GSTZ1: variants seen among roughly 807,000 people sequenced by gnomAD.
GSTZ1 encodes maleylacetoacetate isomerase.
GSTZ1 carries 34 observed loss-of-function variants against 35.9 expected under a neutral mutation model. That is an observed-to-expected ratio of 0.95 (90% CI 0.72 to 1.26). The LOEUF (loss-of-function observed/expected upper bound fraction) is 1.26, where lower values mean the gene tolerates loss of function less well. Ranked by LOEUF, GSTZ1 falls within the 50% of genes most tolerant of loss-of-function variation. GSTZ1 has a pLI of 0.00. For synonymous variants in GSTZ1, 93 were observed against 101.2 expected, an observed-to-expected ratio of 0.92 and a Z score of 0.49; for missense variants, 263 against 271.7, an observed-to-expected ratio of 0.97 and a Z score of 0.23.
At chr14:77,322,652 C>G (rs1450704510) in intron 1 of GSTZ1, 10 of 985,130 alleles carry the variant, frequency 1.0e-5, no homozygotes, top group Non-Finnish European at 7.2e-6. Flanking sequence ...TTGTGGCCAC[C>G]CAATTCCTCC....
Position 77,331,422 on chromosome 14 carries a change from A to C in GSTZ1, c.*227A>C. ...AGGGTGGGCAGGAATACTGTTATCT[A>C]TGTGACGGGGCAGTCGTGAGGCTGA... is the stretch of plus-strand genomic sequence containing the variant. On this transcript the variant is annotated 3_prime_UTR_variant, in exon 9 of 9. Coordinates refer to ENST00000216465, the MANE Select transcript of GSTZ1 (RefSeq NM_145870.3). The C allele has an allele frequency of 2.0e-6, 1 of 500,118 alleles. No homozygotes were observed. The highest frequency in any genetic ancestry group is 3.6e-6 in the Non-Finnish European group (1 of 280,624). 31.0% of individuals were successfully genotyped at this position (500,118 alleles called of 1,614,324 possible).
At chr14:77,321,308 C>T (rs1295960733) in intron 1 of GSTZ1, 125 bp downstream of exon 1, 4 of 1,525,366 alleles carry the variant, frequency 2.6e-6, no homozygotes, top group African/African-American at 1.4e-5. Context: ...CAGTGCTTTG[C>T]GCCGGGCACG....
chr14:77,328,115 G>T, intron 5 of GSTZ1, 78 bp downstream of exon 5: 5 of 1,474,130 alleles, frequency 3.4e-6, no homozygotes, highest in Non-Finnish European at 3.8e-6. Context: ...GCTGCCCAGT[G>T]TGGGGGCGGG....
At position 77,324,844 on chromosome 14, in the gene GSTZ1, C is replaced by T. The variant is rs118156506; in HGVS notation, c.16-26C>T. ...GGAGCCCACCCAGCATGGGTTAACACGCGCCTTCATCCTCTCTCTCCTCAG... is the reference window on the plus strand; with the variant it reads ...GGAGCCCACCCAGCATGGGTTAACATGCGCCTTCATCCTCTCTCTCCTCAG... On this transcript the variant is annotated intron_variant, in intron 1 of 8. Coordinates refer to ENST00000216465, the MANE Select transcript of GSTZ1 (RefSeq NM_145870.3). 1,196 of 1,612,070 alleles carry T rather than the reference C, an allele frequency of 7.4e-4. 20 individuals carry two copies. The East Asian group carries it at 0.019, about 26-fold the overall frequency.
chr14:77,321,660 G>T (rs1038277032), intron 1 of GSTZ1: 1 of 443,410 alleles, frequency 2.3e-6, no homozygotes, highest in Admixed American at 4.9e-5. Flanking sequence ...GAGGCGGGCG[G>T]ATCACAAGGT....
In GSTZ1 at chr14:77,331,337, C is replaced by A; in HGVS notation, c.*142C>A. On this transcript the variant is annotated 3_prime_UTR_variant, in exon 9 of 9. Transcript: ENST00000216465. The stretch of plus-strand genomic sequence containing the variant: ...ATCTGCCTTCCTGCTGAAACTTGTT[C>A]CACCTCAGTCCCCTCATCTGTCACA... 1.1e-6 allele frequency: 1 copy of A among 925,354 alleles called. No homozygotes were observed. Among genetic ancestry groups the A allele is most frequent in the Non-Finnish European group, 1.6e-6 (1 of 634,862 alleles). The allele number at this position is 925,354 out of a possible 1,614,324, so 57.3% of individuals were successfully genotyped here.
intron 1 of GSTZ1, 155 bp from the exon 2 acceptor site, chr14:77,324,715 A>G (rs949609181): frequency 1.9e-4 from 226 of 1,162,930 alleles, no homozygotes; most frequent in Non-Finnish European, 1.5e-5. Flanking sequence ...AAGGGACCTC[A>G]TGAGCCTCTC....
chr14:77,321,445 T>C, intron 1 of GSTZ1: 1 of 1,520,476 alleles, frequency 6.6e-7, no homozygotes, highest in Non-Finnish European at 8.8e-7. Context: ...GCTTCACTTC[T>C]GCTCCGCCCT....
At position 77,330,292 on chromosome 14, in the gene GSTZ1, C is replaced by T; in HGVS notation, c.475-18C>T. On this transcript the variant is annotated intron_variant, in intron 7 of 8. Transcript: ENST00000216465. Reference sequence around the variant, plus strand: ...TGGGGTATGCACCCTGATGGGAACCCACCGGGACCTCTTTCAGGTGACCAT... The same window carrying T: ...TGGGGTATGCACCCTGATGGGAACCTACCGGGACCTCTTTCAGGTGACCAT... 1 of 1,606,262 alleles carries T rather than the reference C, an allele frequency of 6.2e-7. No individual in the cohort carries two copies. The highest frequency in any genetic ancestry group is 8.5e-7 in the Non-Finnish European group (1 of 1,172,900).
Position 77,329,097 on chromosome 14 carries a change from T to A in GSTZ1, c.343-26T>A, listed in dbSNP as rs776120437. The A allele has an allele frequency of 1.9e-6, 3 of 1,550,436 alleles. No homozygotes were observed. The African/African-American group carries it at 4.1e-5, about 21-fold the overall frequency. On this transcript the variant is annotated intron_variant, in intron 5 of 8. Coordinates refer to ENST00000216465, the MANE Select transcript of GSTZ1 (RefSeq NM_145870.3). Reference sequence around the variant, plus strand: ...AGCCCCCACCCAGCTGTCAGCGCAATCACAGATTTTCTTTGGGCTGCACAG... The same window carrying A: ...AGCCCCCACCCAGCTGTCAGCGCAAACACAGATTTTCTTTGGGCTGCACAG...
intron 7 of GSTZ1, 57 bp downstream of exon 7, chr14:77,329,864 G>T: frequency 7.7e-7 from 1 of 1,306,006 alleles, no homozygotes; most frequent in South Asian, 1.2e-5. Flanking sequence ...CCCTCATGCT[G>T]ACCTCCCTCA....
At chr14:77,327,663 G>A (rs1892396376) in intron 4 of GSTZ1, 111 bp downstream of exon 4, 2 of 814,126 alleles carry the variant, frequency 2.5e-6, no homozygotes, top group Admixed American at 2.1e-5. Flanking sequence ...CATAGGAGAG[G>A]CTCAATACAA....
Position 77,327,328 on chromosome 14 carries a change from G to A in GSTZ1, c.136-144G>A, listed in dbSNP as rs1299968795. 3 of 655,874 alleles carry A rather than the reference G, an allele frequency of 4.6e-6. No individual in the cohort carries two copies. The Admixed American group carries it at 7.2e-5, about 16-fold the overall frequency. 40.6% of individuals were successfully genotyped at this position (655,874 alleles called of 1,614,324 possible). A position where few individuals can be genotyped will look rare whatever the true frequency, so the allele number is the denominator to read the frequency against. On this transcript the variant is annotated intron_variant, in intron 3 of 8. Transcript: ENST00000216465. Reference sequence around the variant, plus strand: ...TGGGAGACTGCATGGATCCCCCAGGGATTACCCTGGGCCTAGGATTTAGGG... The same window carrying A: ...TGGGAGACTGCATGGATCCCCCAGGAATTACCCTGGGCCTAGGATTTAGGG...
At position 77,326,933 on chromosome 14, in the gene GSTZ1, G is replaced by A. The variant is rs1254004613; in HGVS notation, c.135+28G>A. 4.6e-6 allele frequency: 7 copies of A among 1,522,284 alleles called. No individual in the cohort carries two copies. The African/African-American group carries it at 6.8e-5, about 15-fold the overall frequency. 94.3% of individuals were successfully genotyped at this position (1,522,284 alleles called of 1,614,324 possible). ...AAGAAGGCTGTGCCCAGACCACAAT[G>A]TGGGAATTGGAGGCCTTGAACAGGC... On this transcript the variant is annotated intron_variant, in intron 3 of 8. Coordinates refer to ENST00000216465, the MANE Select transcript of GSTZ1 (RefSeq NM_145870.3).
Position 77,327,400 on chromosome 14 carries a change from T to C in GSTZ1, c.136-72T>C. On this transcript the variant is annotated intron_variant, in intron 3 of 8. Transcript: ENST00000216465. ...GGGGTGGGTGGCAGGCCTGGGGTTC[T>C]CCTGCTTGCTTGGCTTTCCTCTGGC... 4.5e-6 allele frequency: 4 copies of C among 897,124 alleles called. No homozygotes were observed. The East Asian group carries it at 7.5e-5, about 17-fold the overall frequency. The allele number at this position is 897,124 out of a possible 1,614,324, so 55.6% of individuals were successfully genotyped here. A position where few individuals can be genotyped will look rare whatever the true frequency, so the allele number is the denominator to read the frequency against.
At chr14:77,324,365 T>C (rs1368384422) in intron 1 of GSTZ1, 4 of 558,446 alleles carry the variant, frequency 7.2e-6, no homozygotes, top group Admixed American at 3.0e-5. Flanking sequence ...CAGGCTGGTC[T>C]CAAACTCCTC....
In GSTZ1 at chr14:77,321,074, G is replaced by C; in HGVS notation, c.-95G>C. The C allele has an allele frequency of 7.9e-7, 1 of 1,265,676 alleles. No homozygotes were observed. The highest frequency in any genetic ancestry group is 1.1e-6 in the Non-Finnish European group (1 of 936,766). 78.4% of individuals were successfully genotyped at this position (1,265,676 alleles called of 1,614,324 possible). A position where few individuals can be genotyped will look rare whatever the true frequency, so the allele number is the denominator to read the frequency against. On this transcript the variant is annotated 5_prime_UTR_variant, in exon 1 of 9. Coordinates refer to ENST00000216465, the MANE Select transcript of GSTZ1 (RefSeq NM_145870.3). The stretch of plus-strand genomic sequence containing the variant: ...TCGCTTTACCCGGACGAAAGACACG[G>C]GCCTGATTCGTCGAGTCTCACTGAG...
intron 3 of GSTZ1, 128 bp downstream of exon 3, chr14:77,327,033 G>A: frequency 1.4e-6 from 1 of 701,610 alleles, no homozygotes. Context: ...ACTGCAGGAG[G>A]CTGCTGGCTC....
At chr14:77,325,412 C>A (rs1049710615) in intron 2 of GSTZ1, 2 of 191,896 alleles carry the variant, frequency 1.0e-5, no homozygotes, top group South Asian at 2.1e-4. Context: ...AGGTCATAAC[C>A]AAAGCAGCCT....
Sources: gnomAD v4.1 joint callset for allele counts on GRCh38, gnomAD v4.1.1 for gene constraint, MANE v1.5 for transcripts, NCBI Gene and HGNC (gene_info 2026-07-23, HGNC 2026-07-21) for gene names.